Variants in DOCK9 observed in about 807,000 individuals in gnomAD.
DOCK9 encodes the protein dedicator of cytokinesis protein 9.
DOCK9 carries 89 observed loss-of-function variants against 263.3 expected under a neutral mutation model. The observed-to-expected ratio is 0.34, with a 90% CI of 0.28 to 0.40. The LOEUF (loss-of-function observed/expected upper bound fraction) is 0.40. Ranked by LOEUF, DOCK9 falls within the 10% of genes least tolerant of loss-of-function variation. The pLI, the probability that DOCK9 is intolerant of heterozygous loss-of-function variation, is 1.00. For missense variants in DOCK9, 2,140 were observed against 2,603.4 expected, an observed-to-expected ratio of 0.82 and a Z score of 3.87; for synonymous variants, 976 against 973.1, an observed-to-expected ratio of 1.00 and a Z score of -0.06.
chr13:98,942,518 G>A (rs567643126), intron 2 of DOCK9, among the ~76,000 whole-genome samples: 36 of 152,262 alleles, frequency 2.4e-4, no homozygotes, highest in South Asian at 1.0e-3. Flanking sequence ...GATTACAGGC[G>A]TGAGCCACCG....
intron 1 of DOCK9, among the ~76,000 whole-genome samples, chr13:99,083,952 G>T (rs2042229680): frequency 6.6e-6 from 1 of 152,212 alleles, no homozygotes; most frequent in Admixed American, 6.5e-5. Context: ...GAGCATTTAT[G>T]TTGTGGGCAT....
At chr13:98,926,036 C>T (rs1595378680) in intron 3 of DOCK9, 117 bp from the exon 4 acceptor site, 2 of 667,474 alleles carry the variant, frequency 3.0e-6, no homozygotes, top group East Asian at 5.7e-5. Flanking sequence ...AATTTTTTCC[C>T]ATCAACGAGC....
In DOCK9 at chr13:98,905,954, A is replaced by C. The variant is rs371343174; in HGVS notation, c.961-1248T>G. Among the ~76,000 whole-genome samples the C allele has an allele frequency of 2.6e-5, 4 of 152,314 alleles. No individual in the cohort carries two copies. In the East Asian group the frequency reaches 7.7e-4, roughly 29 times the overall value. ...CACAATGTCTTTCTTGGGTTATCAC[A>C]CCAGCCTCCCAGTCTCACAGCAGGG... On this transcript the variant is annotated intron_variant, in intron 9 of 52. Coordinates refer to ENST00000682017, the MANE Select transcript of DOCK9 (RefSeq NM_001366683.2).
intron 1 of DOCK9, among the ~76,000 whole-genome samples, chr13:99,060,448 C>T (rs1042520258): frequency 6.6e-6 from 1 of 152,082 alleles, no homozygotes; most frequent in African/African-American, 2.4e-5. Flanking sequence ...TTTATGTGAA[C>T]ATATTTTCAA....
chr13:99,037,356 C>A (rs957520245), intron 1 of DOCK9, among the ~76,000 whole-genome samples: 1 of 151,980 alleles, frequency 6.6e-6, no homozygotes, highest in Non-Finnish European at 1.5e-5. Flanking sequence ...GAAAGCAATA[C>A]ATTAAAGATG....
intron 2 of DOCK9, among the ~76,000 whole-genome samples, chr13:98,953,530 T>C (rs1305897755): frequency 6.6e-6 from 1 of 152,246 alleles, no homozygotes; most frequent in African/African-American, 2.4e-5. Flanking sequence ...GTCATACAAA[T>C]AGAATTTTTC....
chr13:98,883,194 AG>A (rs2045116537), intron 22 of DOCK9, 63 bp from the exon 23 acceptor site: 7 of 1,377,626 alleles, frequency 5.1e-6, no homozygotes, highest in Non-Finnish European at 7.1e-6. Context: ...TGGAAATAGA[AG>A]CATTTGTTTC....
At chr13:98,866,364 C>A (rs1284948789) in intron 30 of DOCK9, among the ~76,000 whole-genome samples, 1 of 152,140 alleles carries the variant, frequency 6.6e-6, no homozygotes, top group Admixed American at 6.5e-5. Context: ...GGGCCACAGT[C>A]CCCCTGCCTG....
At chr13:98,955,404 G>T in intron 2 of DOCK9, 31 bp downstream of exon 2, 1 of 1,441,030 alleles carries the variant, frequency 6.9e-7, no homozygotes, top group Non-Finnish European at 9.5e-7. Flanking sequence ...CAAACACGTG[G>T]TTCTACGGAT....
rs117317850 is a variant in DOCK9 at position 98,906,315 on chromosome 13, C to T, written c.961-1609G>A. On this transcript the variant is annotated intron_variant, in intron 9 of 52. Transcript: ENST00000682017. Reference sequence around the variant, plus strand: ...GAAGAGGTGGACAGAAGAGAGGCCACGGAAGAAAACCGACAGATGGTGGCA... The same window carrying T: ...GAAGAGGTGGACAGAAGAGAGGCCATGGAAGAAAACCGACAGATGGTGGCA... Among the ~76,000 whole-genome samples the T allele has an allele frequency of 7.4e-3, 1,122 of 151,982 alleles. 14 individuals are homozygous for T. Among genetic ancestry groups the T allele is most frequent in the Non-Finnish European group, 0.014 (929 of 67,988 alleles).
At chr13:98,800,179 C>T (rs1270933466) in intron 50 of DOCK9, 109 bp downstream of exon 50, 2 of 1,211,242 alleles carry the variant, frequency 1.7e-6, no homozygotes, top group Non-Finnish European at 1.1e-6. Flanking sequence ...GCAGGGATCA[C>T]TTGGTAAACC....
chr13:98,845,217 CT>C, intron 38 of DOCK9: 1 of 664,152 alleles, frequency 1.5e-6, no homozygotes, highest in Non-Finnish European at 2.3e-6. Context: ...GGCAGAATCT[CT>C]TTTGTAAAGT....
chr13:99,083,577 A>G (rs899873666), intron 1 of DOCK9, among the ~76,000 whole-genome samples: 3 of 152,174 alleles, frequency 2.0e-5, no homozygotes, highest in African/African-American at 4.8e-5. Context: ...TAATTATTCA[A>G]TCTGGATGAT....
chr13:98,905,981 C>G (rs1214923509), intron 9 of DOCK9, among the ~76,000 whole-genome samples: 1 of 152,106 alleles, frequency 6.6e-6, no homozygotes, highest in Non-Finnish European at 1.5e-5. Context: ...ACAGCAGGGC[C>G]GATTAACAAA....
At chr13:99,017,008 C>A (rs560430556) in intron 1 of DOCK9, among the ~76,000 whole-genome samples, 2 of 152,212 alleles carry the variant, frequency 1.3e-5, no homozygotes, top group East Asian at 1.9e-4. Flanking sequence ...AGCCATTGGG[C>A]CCCACAGAAA....
chr13:98,915,819 T>C (rs1213951849), intron 7 of DOCK9, among the ~76,000 whole-genome samples: 2 of 152,224 alleles, frequency 1.3e-5, no homozygotes, highest in African/African-American at 4.8e-5. Context: ...TACACATCCT[T>C]AGTCTCTATG....
intron 33 of DOCK9, chr13:98,859,637 C>T (rs2093797953): frequency 6.6e-6 from 1 of 151,802 alleles, no homozygotes; most frequent in Non-Finnish European, 1.5e-5. Flanking sequence ...TAGTAGGATG[C>T]TTTCTTTATT....
At chr13:99,039,756 G>A (rs1361696949) in intron 1 of DOCK9, among the ~76,000 whole-genome samples, 12 of 152,158 alleles carry the variant, frequency 7.9e-5, no homozygotes, top group Admixed American at 7.9e-4. Flanking sequence ...ACCATTAAGG[G>A]CTGAGTACCA....
intron 32 of DOCK9, among the ~76,000 whole-genome samples, chr13:98,861,244 C>A (rs9513499): frequency 0.49 from 75,037 of 152,036 alleles, 18,939 homozygotes; most frequent in Middle Eastern, 0.61. Context: ...GCTATACACA[C>A]GGCTCAGCTC....
Sources: allele counts gnomAD v4.1 joint callset (sites outside exome capture counted in the v4.1 genomes callset), GRCh38; gene constraint gnomAD v4.1.1; transcripts MANE v1.5; gene names NCBI Gene and HGNC (gene_info 2026-07-23, HGNC 2026-07-21).